The following HS3ST3B1 variants were observed in gnomAD, a reference collection of about 807,000 sequenced individuals.
HS3ST3B1 encodes the protein heparan sulfate-glucosamine 3-sulfotransferase 3B1.
A neutral mutation model predicts 21.3 loss-of-function variants in HS3ST3B1; 13 were observed. The observed-to-expected ratio is 0.61, with a 90% CI of 0.40 to 0.97. HS3ST3B1 has a LOEUF of 0.97. HS3ST3B1 is among the 50% of genes least tolerant of loss of function. The pLI is 0.00. For missense variants in HS3ST3B1, 459 were observed against 554.8 expected, an observed-to-expected ratio of 0.83 and a Z score of 1.73; for synonymous variants, 234 against 254.8, an observed-to-expected ratio of 0.92 and a Z score of 0.78.
chr17:14,314,818 C>T (rs1277852195), intron 1 of HS3ST3B1, among the ~76,000 whole-genome samples: 1 of 152,192 alleles, frequency 6.6e-6, no homozygotes, highest in African/African-American at 2.4e-5. Context: ...GAGTGGGGAG[C>T]TTCAAACAGT....
intron 1 of HS3ST3B1, among the ~76,000 whole-genome samples, chr17:14,317,040 G>A (rs1405854815): frequency 1.3e-5 from 2 of 152,230 alleles, no homozygotes; most frequent in Non-Finnish European, 2.9e-5. Flanking sequence ...CCTTGCTCAG[G>A]AGGAGGCGTT....
intron 1 of HS3ST3B1, among the ~76,000 whole-genome samples, chr17:14,308,221 T>C (rs1481128950): frequency 6.6e-6 from 1 of 152,234 alleles, no homozygotes; most frequent in Non-Finnish European, 1.5e-5. Context: ...TGGGGAAAAG[T>C]TTAAGACGTG....
At chr17:14,302,203 G>T (rs1399435806) in intron 1 of HS3ST3B1, 131 bp downstream of exon 1, 2 of 1,082,596 alleles carry the variant, frequency 1.8e-6, no homozygotes, top group East Asian at 5.2e-5. Context: ...GGAAACTACG[G>T]CAGATTGCGC....
intron 1 of HS3ST3B1, among the ~76,000 whole-genome samples, chr17:14,339,215 G>A (rs1413533213): frequency 2.0e-5 from 3 of 152,150 alleles, no homozygotes; most frequent in Non-Finnish European, 4.4e-5. Context: ...GGGAGGTGCT[G>A]TTGCAATGAT....
intron 1 of HS3ST3B1, among the ~76,000 whole-genome samples, chr17:14,331,101 T>C (rs1171370030): frequency 6.6e-6 from 1 of 152,216 alleles, no homozygotes; most frequent in Non-Finnish European, 1.5e-5. Context: ...CTCTTGTTCT[T>C]TCTTTATAAT....
At chr17:14,302,179 CCGGGGTAGGGCAGG>C in intron 1 of HS3ST3B1, 107 bp downstream of exon 1, 1 of 1,334,146 alleles carries the variant, frequency 7.5e-7, no homozygotes, top group South Asian at 1.5e-5. Flanking sequence ...TTCGGACCAC[CCGGGGTAGGGCAGG>C]GAAACTACGG....
At chr17:14,313,215 G>A (rs9890474) in intron 1 of HS3ST3B1, among the ~76,000 whole-genome samples, 2 of 150,928 alleles carry the variant, frequency 1.3e-5, no homozygotes, top group African/African-American at 2.4e-5. Context: ...TGATCCACCC[G>A]CCTTGGCCTC....
At position 14,308,340 on chromosome 17, in the gene HS3ST3B1, T is replaced by C. The variant is rs952535133; in HGVS notation, c.554+6268T>C. On this transcript the variant is annotated intron_variant, in intron 1 of 1. Coordinates refer to ENST00000360954, the MANE Select transcript of HS3ST3B1 (RefSeq NM_006041.3). ...TAATAAAACCCACCATTAAGTTTAT[T>C]TGTACATAGATAAAAGTGGTATTAA... 2.8e-4 allele frequency among the ~76,000 whole-genome samples: 43 copies of C among 152,364 alleles called. No homozygotes were observed. The Middle Eastern group carries it at 0.01, about 36-fold the overall frequency.
At chr17:14,313,113 T>TATATATACAC (rs1555548213) in intron 1 of HS3ST3B1, among the ~76,000 whole-genome samples, 2 of 129,938 alleles carry the variant, frequency 1.5e-5, no homozygotes, top group East Asian at 2.7e-4. Flanking sequence ...TGTGTGTATA[T>TATATATACAC]ATATATATAT....
At chr17:14,318,568 G>C (rs566351554) in intron 1 of HS3ST3B1, among the ~76,000 whole-genome samples, 1 of 152,318 alleles carries the variant, frequency 6.6e-6, no homozygotes, top group African/African-American at 2.4e-5. Flanking sequence ...AGTAACTGCA[G>C]TTATTGATAA....
At chr17:14,316,442 T>C (rs535909191) in intron 1 of HS3ST3B1, among the ~76,000 whole-genome samples, 1 of 152,278 alleles carries the variant, frequency 6.6e-6, no homozygotes, top group Admixed American at 6.5e-5. Flanking sequence ...TCAGCTTTCC[T>C]CCAAGCAGCT....
intron 1 of HS3ST3B1, among the ~76,000 whole-genome samples, chr17:14,307,801 G>A (rs1156429525): frequency 3.3e-5 from 5 of 152,190 alleles, no homozygotes; most frequent in East Asian, 1.9e-4. Context: ...AGGGCATAAT[G>A]AGCATTTCTT....
chr17:14,302,188 G>T, intron 1 of HS3ST3B1, 116 bp downstream of exon 1: 1 of 1,276,698 alleles, frequency 7.8e-7, no homozygotes, highest in African/African-American at 1.5e-5. Flanking sequence ...CCCGGGGTAG[G>T]GCAGGGAAAC....
Position 14,303,171 on chromosome 17 carries a change from C to G in HS3ST3B1, c.554+1099C>G, listed in dbSNP as rs1909000514. On this transcript the variant is annotated intron_variant, in intron 1 of 1. Transcript: ENST00000360954. This position sits in a 1 kb window ranked among gnomAD's most constrained non-coding sequence, Gnocchi z 5.7. The stretch of plus-strand genomic sequence containing the variant: ...TCGACTAGGGGCCCAGGTAACGACC[C>G]CCACATTTTCGTTGGGGTCTCCACC... 6.6e-6 allele frequency among the ~76,000 whole-genome samples: 1 copy of G among 152,108 alleles called. No individual in the cohort carries two copies. The highest frequency in any genetic ancestry group is 1.5e-5 in the Non-Finnish European group (1 of 68,026).
At chr17:14,337,859 C>G (rs79614357) in intron 1 of HS3ST3B1, among the ~76,000 whole-genome samples, 1 of 151,648 alleles carries the variant, frequency 6.6e-6, no homozygotes, top group Non-Finnish European at 1.5e-5. Flanking sequence ...ACCTCTATAC[C>G]CACATAGTAT....
chr17:14,331,057 A>G (rs1299829266), intron 1 of HS3ST3B1, among the ~76,000 whole-genome samples: 1 of 152,030 alleles, frequency 6.6e-6, no homozygotes, highest in Non-Finnish European at 1.5e-5. Flanking sequence ...GGCAGCACTG[A>G]TTTTACTTTC....
chr17:14,301,946 T>C lies in HS3ST3B1; in HGVS notation c.428T>C (p.Ile143Thr), dbSNP rs1908946859. ...AAGCAGCTGCCGCAGGCCATCATCA[T>C]CGGCGTGAAGAAGGGCGGCACGCGG... is the stretch of plus-strand genomic sequence containing the variant. ...GSKQLPQAII[I>T]GVKKGGTRAL... is the part of the protein sequence containing the mutation. The change falls in exon 1 of 2, where the codon ATC (isoleucine) becomes ACC (threonine). Residue 143 changes from isoleucine (I) to threonine (T), a missense_variant. Physicochemically the swap from Ile to Thr is moderately conservative, Grantham distance 89. This residue lies in a region of HS3ST3B1 where 317 missense variants were observed against 278.6 expected (regional missense o/e 1.14). Coordinates refer to ENST00000360954, the MANE Select transcript of HS3ST3B1 (RefSeq NM_006041.3). 5.0e-6 allele frequency: 8 copies of C among 1,609,980 alleles called. No individual in the cohort carries two copies. Among genetic ancestry groups the C allele is most frequent in the Non-Finnish European group, 6.8e-6 (8 of 1,178,808 alleles).
At chr17:14,341,240 G>A (rs543734459) in intron 1 of HS3ST3B1, among the ~76,000 whole-genome samples, 43 of 152,290 alleles carry the variant, frequency 2.8e-4, no homozygotes, top group African/African-American at 9.6e-4. Context: ...AGGAAATTCC[G>A]GCTGCAGAGT....
Position 14,345,298 on chromosome 17 carries a change from C to G in HS3ST3B1, c.825C>G (p.Ile275Met), listed in dbSNP as rs1004317542. ...DTSWSAIQIG[I>M]YAKHLEHWLR... ...CGTGGAGCGCCATCCAGATCGGCAT[C>G]TACGCCAAGCACCTGGAGCACTGGC... Residue 275 changes from isoleucine (I) to methionine (M), a missense_variant, in exon 2 of 2, where the codon ATC (isoleucine) becomes ATG (methionine). Transcript: ENST00000360954. 4 of 1,120,774 alleles carry G rather than the reference C, an allele frequency of 3.6e-6. No homozygotes were observed. The highest frequency in any genetic ancestry group is 5.2e-6 in the Non-Finnish European group (4 of 774,364). The allele number at this position is 1,120,774 out of a possible 1,614,324, so 69.4% of individuals were successfully genotyped here. A position where few individuals can be genotyped will look rare whatever the true frequency, so the allele number is the denominator to read the frequency against.
Sources: gnomAD v4.1 joint callset for allele counts (sites outside exome capture counted in the v4.1 genomes callset) on GRCh38, gnomAD v4.1.1 for gene constraint, gnomAD v4.1.1 regional missense constraint, Gnocchi (gnomAD v3.1) non-coding constraint, MANE v1.5 for transcripts, NCBI Gene and HGNC (gene_info 2026-07-23, HGNC 2026-07-21) for gene names.